GALNT16: variants seen among roughly 807,000 people sequenced by gnomAD.
The protein encoded by GALNT16 is UDP-GalNAc:polypeptide N-acetylgalactosaminyltransferase-like protein 1.
In GALNT16, 40 loss-of-function variants were observed where a neutral mutation model predicts 76.1. The observed-to-expected ratio is 0.53, with a 90% CI of 0.41 to 0.68. The LOEUF (loss-of-function observed/expected upper bound fraction) is 0.68. GALNT16 is among the 30% of genes least tolerant of loss of function. The probability of loss-of-function intolerance (pLI) is 0.00; values close to 1 mark genes in which losing one functional copy is unlikely to be tolerated. For missense variants in GALNT16, 621 were observed against 731.9 expected (o/e 0.85, Z 1.75); for synonymous variants, 276 against 285.2 (o/e 0.97, Z 0.32).
At chr14:69,310,115 C>T (rs2044994746) in intron 1 of GALNT16, among the ~76,000 whole-genome samples, 1 of 151,990 alleles carries the variant, frequency 6.6e-6, no homozygotes, top group Admixed American at 6.6e-5. Flanking sequence ...CTGATCTCTC[C>T]TCTATTGATC....
At chr14:69,346,696 G>A (rs1022373302) in intron 12 of GALNT16, among the ~76,000 whole-genome samples, 9 of 152,310 alleles carry the variant, frequency 5.9e-5, no homozygotes, top group Admixed American at 2.6e-4. Context: ...TATTGAGCAT[G>A]CATTTTGGCC....
intron 12 of GALNT16, among the ~76,000 whole-genome samples, chr14:69,343,477 C>T (rs1345678406): frequency 2.6e-5 from 4 of 152,220 alleles, no homozygotes; most frequent in Non-Finnish European, 5.9e-5. Flanking sequence ...CTGGCAGTGT[C>T]ACTGGAAGAA....
the GALNT16 span, among the ~76,000 whole-genome samples, chr14:69,379,229 C>T: frequency 1.3e-5 from 2 of 152,166 alleles, no homozygotes; most frequent in African/African-American, 4.8e-5. Context: ...CGTGAGCCAC[C>T]GCACCCGGCC....
the GALNT16 span, among the ~76,000 whole-genome samples, chr14:69,363,204 C>T: frequency 6.6e-6 from 1 of 152,330 alleles, no homozygotes; most frequent in African/African-American, 2.4e-5. Flanking sequence ...CCAGTGCCCT[C>T]TGCTTGTGGG....
At chr14:69,372,273 A>G in the GALNT16 span, among the ~76,000 whole-genome samples, 4 of 152,036 alleles carry the variant, frequency 2.6e-5, no homozygotes, top group African/African-American at 9.7e-5. Context: ...AGCCTGAGTG[A>G]TCCATCCACA....
chr14:69,343,146 C>T (rs1594866898), intron 12 of GALNT16, among the ~76,000 whole-genome samples: 3 of 152,200 alleles, frequency 2.0e-5, no homozygotes, highest in Admixed American at 6.5e-5. Flanking sequence ...AAGCCGCATG[C>T]GCCCTCTATA....
the GALNT16 span, chr14:69,380,525 GCT>G: frequency 7.8e-7 from 1 of 1,274,750 alleles, no homozygotes; most frequent in Non-Finnish European, 1.1e-6. Flanking sequence ...CCCCCCCAGT[GCT>G]TCCAACACAA....
chr14:69,383,541 C>T, the GALNT16 span, among the ~76,000 whole-genome samples: 1 of 152,180 alleles, frequency 6.6e-6, no homozygotes, highest in South Asian at 2.1e-4. Flanking sequence ...TAACCAAAGT[C>T]ACCTGGGGAA....
chr14:69,340,501 T>C (rs1440543685), intron 11 of GALNT16, among the ~76,000 whole-genome samples: 2 of 143,710 alleles, frequency 1.4e-5, no homozygotes, highest in Non-Finnish European at 3.1e-5. Context: ...TTTTTTTTTT[T>C]CTAGATGGAG....
chr14:69,385,755 C>T, the GALNT16 span, among the ~76,000 whole-genome samples: 1 of 152,068 alleles, frequency 6.6e-6, no homozygotes, highest in Non-Finnish European at 1.5e-5. Context: ...TGGCACTCTA[C>T]CACAACCGTT....
At chr14:69,302,108 C>A (rs572803796) in intron 1 of GALNT16, among the ~76,000 whole-genome samples, 1 of 152,192 alleles carries the variant, frequency 6.6e-6, no homozygotes, top group South Asian at 2.1e-4. Context: ...TTCATTAGAT[C>A]CCCAGAGAGT....
the GALNT16 span, among the ~76,000 whole-genome samples, chr14:69,362,638 A>G: frequency 6.6e-6 from 1 of 152,232 alleles, no homozygotes; most frequent in Non-Finnish European, 1.5e-5. Context: ...CACTGTTCTC[A>G]ACTGAAAAAT....
At chr14:69,297,617 G>A (rs1162397373) in intron 1 of GALNT16, among the ~76,000 whole-genome samples, 5 of 117,528 alleles carry the variant, frequency 4.3e-5, no homozygotes, top group African/African-American at 1.7e-4. Context: ...TTAGTATTAT[G>A]TATTTGGAAA....
At position 69,325,397 on chromosome 14, in the gene GALNT16, C is replaced by A; in HGVS notation, c.495C>A (p.Ser165Arg). The change falls in exon 4 of 15, where the codon AGC (serine) becomes AGA (arginine). Residue 165 changes from serine to arginine, a missense_variant. Physicochemically the swap from Ser to Arg is moderately radical, Grantham distance 110. Transcript: ENST00000448469. ...AGATCATTTTAGTGGATGACTTCAG[C>A]TCAGATCGTGAGTAGTCACCTTCCT... The part of the protein sequence containing the change: ...IQEIILVDDF[S>R]SDPEDCLLLT... The A allele has an allele frequency of 6.3e-7, 1 of 1,583,194 alleles. No homozygotes were observed. Among genetic ancestry groups the A allele is most frequent in the Non-Finnish European group, 8.7e-7 (1 of 1,151,772 alleles).
At chr14:69,350,507 T>C (rs887685379) in intron 14 of GALNT16, 5 of 152,306 alleles carry the variant, frequency 3.3e-5, no homozygotes, top group Admixed American at 1.3e-4. Context: ...GGAGGGGGGA[T>C]CCAAAGGCCC....
chr14:69,367,203 G>C, the GALNT16 span, among the ~76,000 whole-genome samples: 1 of 152,114 alleles, frequency 6.6e-6, no homozygotes, highest in East Asian at 1.9e-4. Context: ...GCCTTGGGCG[G>C]TAAGCTAAGA....
rs2140183455 is a variant in GALNT16 at position 69,335,310 on chromosome 14, G to A, written c.967+1710G>A. On this transcript the variant is annotated intron_variant, in intron 9 of 14. Coordinates refer to ENST00000448469, the MANE Select transcript of GALNT16 (RefSeq NM_001168368.2). ...GCTTTGTAACTTGCTTTTGGAGGCT[G>A]TTTCCAGGCAGGGTTCAGAGAAGTA... 1.3e-5 allele frequency among the ~76,000 whole-genome samples: 2 copies of A among 152,344 alleles called. 1 individual carries two copies. The highest frequency in any genetic ancestry group is 4.1e-4 in the South Asian group (2 of 4,828).
chr14:69,336,205 G>C (rs977697559), intron 9 of GALNT16, among the ~76,000 whole-genome samples: 1 of 152,158 alleles, frequency 6.6e-6, no homozygotes, highest in Admixed American at 6.5e-5. Context: ...TGCCTCCAGG[G>C]TTCAAGCGAT....
At chr14:69,379,292 CTACT>C in the GALNT16 span, among the ~76,000 whole-genome samples, 2 of 152,148 alleles carry the variant, frequency 1.3e-5, no homozygotes, top group Non-Finnish European at 2.9e-5. Context: ...AACTACAACT[CTACT>C]TAATTTTGTC....
Sources: allele counts gnomAD v4.1 joint callset (sites outside exome capture counted in the v4.1 genomes callset), GRCh38; gene constraint gnomAD v4.1.1; transcripts MANE v1.5; gene names NCBI Gene and HGNC (gene_info 2026-07-23, HGNC 2026-07-21).